The following DNAH14 variants were observed in gnomAD, a reference collection of about 807,000 sequenced individuals.
DNAH14 encodes the protein dynein axonemal heavy chain 14.
DNAH14 carries 478 observed loss-of-function variants against 520.9 expected under a neutral mutation model. That is an observed-to-expected ratio of 0.92 (90% CI 0.85 to 0.99). DNAH14 has a LOEUF of 0.99. DNAH14 is among the 50% of genes least tolerant of loss of function. The pLI, the probability that DNAH14 is intolerant of heterozygous loss-of-function variation, is 0.00. For missense variants in DNAH14, 4,831 were observed against 5,234.5 expected (o/e 0.92, Z 2.38); for synonymous variants, 1,581 against 1,757.2 (o/e 0.90, Z 2.51).
intron 17 of DNAH14, among the ~76,000 whole-genome samples, chr1:225,060,500 T>C (rs1374612654): frequency 3.9e-5 from 6 of 152,328 alleles, no homozygotes; most frequent in African/African-American, 1.2e-4. Flanking sequence ...GTCTGAAGCC[T>C]TTTTCTCTCA....
intron 1 of DNAH14, 150 bp downstream of exon 1, chr1:224,929,985 C>T (rs1412340301): frequency 9.8e-6 from 5 of 510,918 alleles, no homozygotes; most frequent in African/African-American, 2.0e-5. Flanking sequence ...GCCTCCGAGT[C>T]CCCGCGCGGA....
At chr1:224,970,297 G>A (rs888931192) in intron 7 of DNAH14, among the ~76,000 whole-genome samples, 17 of 152,098 alleles carry the variant, frequency 1.1e-4, no homozygotes, top group Admixed American at 4.6e-4. Flanking sequence ...TGGTGAGACC[G>A]GTTGTCTGCT....
At chr1:225,131,922 C>G (rs1291909865) in intron 27 of DNAH14, among the ~76,000 whole-genome samples, 1 of 151,572 alleles carries the variant, frequency 6.6e-6, no homozygotes, top group Non-Finnish European at 1.5e-5. Flanking sequence ...AAGGAATAGG[C>G]AAAAGAAAAG....
Position 225,079,213 on chromosome 1 carries a change from G to GA in DNAH14, c.2433dup (p.Ser812IlefsTer9). The stretch of plus-strand genomic sequence containing the variant: ...ATTGACATGTTGATTTCAGGTTGTG[G>GA]AATCATCATTGCAGCAGCTGGAATG... On this transcript the variant is annotated frameshift_variant, in exon 18 of 86. Coordinates refer to ENST00000682510, the MANE Select transcript of DNAH14 (RefSeq NM_001367479.1). LOFTEE classifies it high-confidence loss of function. The GA allele has an allele frequency of 6.5e-7, 1 of 1,539,550 alleles. No homozygotes were observed. Among genetic ancestry groups the GA allele is most frequent in the Non-Finnish European group, 8.7e-7 (1 of 1,144,410 alleles).
Position 225,119,240 on chromosome 1 carries a change from C to A in DNAH14, c.4112C>A (p.Ala1371Asp). ...VLPKKIRVRS[A>D]VEQWLVNVEK... is the part of the protein sequence containing the mutation. ...TTTAGGAAAATTCGTGTAAGAAGTG[C>A]TGTAGAACAGTGGCTGGTAAATGTA... The change falls in exon 26 of 86, where the codon GCT becomes GAT. Residue 1371 changes from alanine to aspartate, a missense_variant. Ala to Asp is a moderately radical substitution (Grantham distance 126). Transcript: ENST00000682510. The A allele has an allele frequency of 6.6e-7, 1 of 1,526,274 alleles. No homozygotes were observed. The highest frequency in any genetic ancestry group is 8.8e-7 in the Non-Finnish European group (1 of 1,135,526). 94.5% of individuals were successfully genotyped at this position (1,526,274 alleles called of 1,614,324 possible).
intron 20 of DNAH14, among the ~76,000 whole-genome samples, chr1:225,083,823 A>G (rs778022176): frequency 4.6e-5 from 7 of 152,182 alleles, no homozygotes; most frequent in Non-Finnish European, 1.0e-4. Context: ...ATACCAACAG[A>G]TGAATTTATT....
rs1259693826 is a variant in DNAH14 at position 225,097,171 on chromosome 1, G to C, written c.3627G>C (p.Glu1209Asp). 6 of 1,550,582 alleles carry C rather than the reference G, an allele frequency of 3.9e-6. No homozygotes were observed. In the South Asian group the frequency reaches 6.0e-5, roughly 15 times the overall value. Residue 1209 changes from glutamate to aspartate, a missense_variant, in exon 22 of 86, where the codon GAG becomes GAC. Transcript: ENST00000682510. Reference protein sequence around the residue: ...QNLTLFSYTLEEWMNCQRNWL... With the variant: ...QNLTLFSYTLDEWMNCQRNWL... ...TGACTCTCTTCTCTTACACCCTTGA[G>C]GAATGGATGAATTGTCAAAGAAATT...
intron 66 of DNAH14, among the ~76,000 whole-genome samples, chr1:225,335,069 T>G (rs2094893852): frequency 6.7e-6 from 1 of 149,086 alleles, no homozygotes; most frequent in Non-Finnish European, 1.5e-5. Flanking sequence ...TATATGTATA[T>G]ATAACGTACA....
At chr1:225,240,963 T>C (rs1251988052) in intron 43 of DNAH14, 141 bp downstream of exon 43, 6 of 639,280 alleles carry the variant, frequency 9.4e-6, no homozygotes, top group Non-Finnish European at 1.5e-5. Flanking sequence ...CCCAATACCC[T>C]CATTATAGTG....
At chr1:225,195,503 T>TAAG (rs1553515449) in intron 38 of DNAH14, among the ~76,000 whole-genome samples, 1 of 150,942 alleles carries the variant, frequency 6.6e-6, no homozygotes, top group Non-Finnish European at 1.5e-5. Flanking sequence ...GGGGCTTACT[T>TAAG]GGTGGAGGAT....
At chr1:224,967,616 A>G in intron 6 of DNAH14, 33 bp downstream of exon 6, 2 of 1,594,814 alleles carry the variant, frequency 1.3e-6, no homozygotes, top group Non-Finnish European at 1.7e-6. Flanking sequence ...AGCTTTCAGA[A>G]TTATATTACA....
At chr1:225,029,259 G>A (rs2066359438) in intron 11 of DNAH14, among the ~76,000 whole-genome samples, 1 of 152,078 alleles carries the variant, frequency 6.6e-6, no homozygotes, top group Admixed American at 6.6e-5. Context: ...GATTGCCATG[G>A]GCTAGGTGGG....
intron 41 of DNAH14, among the ~76,000 whole-genome samples, chr1:225,207,914 C>A (rs1160725765): frequency 2.0e-5 from 3 of 152,148 alleles, no homozygotes; most frequent in Non-Finnish European, 4.4e-5. Context: ...TGTGTACTTT[C>A]CCCATCAACT....
intron 8 of DNAH14, among the ~76,000 whole-genome samples, chr1:224,990,657 A>G (rs370614416): frequency 1.3e-5 from 2 of 152,186 alleles, no homozygotes; most frequent in South Asian, 4.1e-4. Context: ...ATAGTATTCC[A>G]TTGCATATAG....
intron 21 of DNAH14, among the ~76,000 whole-genome samples, chr1:225,089,171 C>T (rs1007890648): frequency 3.3e-5 from 5 of 152,038 alleles, no homozygotes; most frequent in Admixed American, 6.6e-5. Flanking sequence ...AGGCTGGGTG[C>T]GACGGCTCAT....
chr1:225,207,975 A>C (rs780673449), intron 41 of DNAH14, among the ~76,000 whole-genome samples: 1 of 152,320 alleles, frequency 6.6e-6, no homozygotes, highest in Non-Finnish European at 1.5e-5. Flanking sequence ...ACACCACAGC[A>C]CAGCTAGGGG....
At chr1:225,226,670 G>A (rs1226065880) in intron 41 of DNAH14, among the ~76,000 whole-genome samples, 1 of 152,176 alleles carries the variant, frequency 6.6e-6, no homozygotes, top group Admixed American at 6.5e-5. Flanking sequence ...ACTGAGAAAA[G>A]AAATAAGACA....
At chr1:225,164,940 T>C (rs1367353415) in intron 35 of DNAH14, among the ~76,000 whole-genome samples, 4 of 152,126 alleles carry the variant, frequency 2.6e-5, no homozygotes, top group African/African-American at 4.8e-5. Context: ...CATAAGAAAT[T>C]GTTTCAAACT....
chr1:225,181,369 G>A (rs12068014), intron 36 of DNAH14, among the ~76,000 whole-genome samples: 3,986 of 152,238 alleles, frequency 0.026, 156 homozygotes, highest in African/African-American at 0.08. Flanking sequence ...GGGGCAAATG[G>A]TAGTTCTATT....
Sources: allele counts gnomAD v4.1 joint callset (sites outside exome capture counted in the v4.1 genomes callset), GRCh38; gene constraint gnomAD v4.1.1; transcripts MANE v1.5; gene names NCBI Gene and HGNC (gene_info 2026-07-23, HGNC 2026-07-21).